OSBPL9: variants seen among roughly 807,000 people sequenced by gnomAD.
OSBPL9 encodes the protein oxysterol-binding protein-related protein 9.
OSBPL9 carries 40 observed loss-of-function variants against 106.6 expected under a neutral mutation model. That is an observed-to-expected ratio of 0.38 (90% CI 0.29 to 0.49). OSBPL9 has a LOEUF of 0.49. Ranked by LOEUF, OSBPL9 falls within the 20% of genes least tolerant of loss-of-function variation. OSBPL9 has a pLI of 0.97. For missense variants in OSBPL9, 609 were observed against 887.2 expected, an observed-to-expected ratio of 0.69 and a Z score of 3.98; for synonymous variants, 269 against 295.4, an observed-to-expected ratio of 0.91 and a Z score of 0.92.
chr1:51,670,480 G>A (rs1294928343), intron 3 of OSBPL9, among the ~76,000 whole-genome samples: 1 of 152,164 alleles, frequency 6.6e-6, no homozygotes, highest in Non-Finnish European at 1.5e-5. Flanking sequence ...TGTTATATGA[G>A]GTGTTTAGGC....
chr1:51,694,268 CAAAT>C, intron 3 of OSBPL9, among the ~76,000 whole-genome samples: 1 of 152,130 alleles, frequency 6.6e-6, no homozygotes. Context: ...TTTTCCCAAA[CAAAT>C]AGTGAGAAGA....
chr1:51,783,866 G>T (rs774579146), intron 17 of OSBPL9, 49 bp from the exon 18 acceptor site: 1 of 1,328,256 alleles, frequency 7.5e-7, no homozygotes, highest in South Asian at 1.2e-5. Flanking sequence ...TGATTTTGGA[G>T]AGGTGGCTGT....
At chr1:51,548,258 A>AT in the OSBPL9 span, among the ~76,000 whole-genome samples, 2 of 151,656 alleles carry the variant, frequency 1.3e-5, no homozygotes, top group African/African-American at 2.4e-5. Flanking sequence ...TTTGGTTTGG[A>AT]TTTTTTTTAT....
intron 1 of OSBPL9, among the ~76,000 whole-genome samples, chr1:51,593,180 G>A (rs149607873): frequency 2.6e-5 from 4 of 152,184 alleles, no homozygotes; most frequent in African/African-American, 9.6e-5. Context: ...TCACCATGAA[G>A]AGGGGGAAAA....
intron 1 of OSBPL9, among the ~76,000 whole-genome samples, chr1:51,630,743 T>C (rs1645055219): frequency 6.6e-6 from 1 of 152,244 alleles, no homozygotes; most frequent in African/African-American, 2.4e-5. Context: ...TGTAGTGCTT[T>C]ACTTGATAAA....
Position 51,638,435 on chromosome 1 carries a change from C to T in OSBPL9, c.112-13556C>T, listed in dbSNP as rs990694904. ...TGCTATCAGGATGGCTTTAGGAGTC[C>T]GTGCTCTCTTAAATAGAAAGGAGAC... On this transcript the variant is annotated intron_variant, in intron 1 of 23. Transcript: ENST00000428468. Among the ~76,000 whole-genome samples the T allele has an allele frequency of 5.3e-5, 8 of 152,058 alleles. No individual in the cohort carries two copies. The East Asian group carries it at 7.7e-4, about 15-fold the overall frequency.
At chr1:51,541,237 T>C in the OSBPL9 span, among the ~76,000 whole-genome samples, 3 of 152,254 alleles carry the variant, frequency 2.0e-5, no homozygotes, top group Non-Finnish European at 4.4e-5. Context: ...ACTTTCATTA[T>C]GTTCAGAGCC....
At chr1:51,642,764 G>A (rs1011671513) in intron 1 of OSBPL9, among the ~76,000 whole-genome samples, 1 of 152,144 alleles carries the variant, frequency 6.6e-6, no homozygotes, top group African/African-American at 2.4e-5. Context: ...GCTTGGCCTA[G>A]GGAACTGCTC....
intron 2 of OSBPL9, among the ~76,000 whole-genome samples, chr1:51,600,366 T>A (rs1048182565): frequency 6.6e-6 from 1 of 152,184 alleles, no homozygotes. Context: ...CCTGAGTTCA[T>A]TGAGGCCATA....
chr1:51,660,739 T>G (rs1211647217), intron 2 of OSBPL9, among the ~76,000 whole-genome samples: 1 of 152,220 alleles, frequency 6.6e-6, no homozygotes, highest in African/African-American at 2.4e-5. Flanking sequence ...TGCAAGCCAT[T>G]CTGCTCCCTT....
At chr1:51,557,664 G>T in the OSBPL9 span, among the ~76,000 whole-genome samples, 1 of 152,186 alleles carries the variant, frequency 6.6e-6, no homozygotes, top group Non-Finnish European at 1.5e-5. Flanking sequence ...AAAGAGTATA[G>T]GTTTGGGCAC....
At chr1:51,761,255 GTT>G (rs57352256) in intron 10 of OSBPL9, among the ~76,000 whole-genome samples, 4,727 of 136,830 alleles carry the variant, frequency 0.035, 139 homozygotes, top group Middle Eastern at 0.091. Flanking sequence ...GTTTTGTTTT[GTT>G]TTTTTTTTTT....
chr1:51,585,864 T>TG (rs112590841), intron 1 of OSBPL9, among the ~76,000 whole-genome samples: 3 of 94,086 alleles, frequency 3.2e-5, no homozygotes, highest in African/African-American at 2.3e-4. Flanking sequence ...TTTTTAATAG[T>TG]TTTTTTTTTT....
In OSBPL9 at chr1:51,750,834, C is replaced by T. The variant is rs183254972; in HGVS notation, c.543+639C>T. ...TCTACCTCACTACACCCCTTTATTT[C>T]CAGCAAGTGGCTAGCAAGGGGTGGG... is the stretch of plus-strand genomic sequence containing the variant. On this transcript the variant is annotated intron_variant, in intron 8 of 23. Transcript: ENST00000428468. Among the ~76,000 whole-genome samples the T allele has an allele frequency of 3.3e-3, 497 of 152,290 alleles. 2 individuals carry two copies. Among genetic ancestry groups the T allele is most frequent in the African/African-American group, 0.012 (484 of 41,568 alleles).
intron 3 of OSBPL9, among the ~76,000 whole-genome samples, chr1:51,712,216 GC>G (rs1660178941): frequency 2.0e-5 from 3 of 152,368 alleles, no homozygotes; most frequent in South Asian, 4.1e-4. Flanking sequence ...CTGGAGACCG[GC>G]CCGGCCAACA....
In OSBPL9 at chr1:51,611,231, C is replaced by A. The variant is rs141243145; in HGVS notation, c.-352-3074C>A. 6.4e-3 allele frequency among the ~76,000 whole-genome samples: 966 copies of A among 149,974 alleles called. 7 individuals carry two copies. The highest frequency in any genetic ancestry group is 0.011 in the Non-Finnish European group (757 of 67,760). On this transcript the variant is annotated intron_variant, in intron 2 of 25. Coordinates refer to the OSBPL9 transcript ENST00000371714. The stretch of plus-strand genomic sequence containing the variant: ...GATGTTTCACTTTCTTGCTCTGTAG[C>A]TAGTGGAAAGGGTGAAAAAAAAAAA...
At chr1:51,671,464 A>G (rs1049102885) in intron 3 of OSBPL9, among the ~76,000 whole-genome samples, 4 of 152,162 alleles carry the variant, frequency 2.6e-5, no homozygotes, top group South Asian at 2.1e-4. Context: ...TCTACTGTCA[A>G]CTATTAAAGG....
intron 3 of OSBPL9, chr1:51,709,873 T>C (rs1659444351): frequency 6.6e-6 from 1 of 152,300 alleles, no homozygotes; most frequent in Non-Finnish European, 1.5e-5. Flanking sequence ...CCTTCAAGGA[T>C]GCATGGTCCA....
chr1:51,540,492 TA>T, the OSBPL9 span, among the ~76,000 whole-genome samples: 1,099 of 143,770 alleles, frequency 7.6e-3, 9 homozygotes, highest in African/African-American at 0.024. Context: ...CCATCTCTAC[TA>T]AAAAAAAAAA....
Sources: allele counts gnomAD v4.1 joint callset (sites outside exome capture counted in the v4.1 genomes callset), GRCh38; gene constraint gnomAD v4.1.1; transcripts MANE v1.5; gene names NCBI Gene and HGNC (gene_info 2026-07-23, HGNC 2026-07-21).